CACNA2D1: variants seen among roughly 807,000 people sequenced by gnomAD.
CACNA2D1 encodes calcium voltage-gated channel auxiliary subunit alpha2delta 1.
In CACNA2D1, 53 loss-of-function variants were observed where a neutral mutation model predicts 171.5. The ratio of observed to expected loss-of-function variants is 0.31; its 90% CI spans 0.25 to 0.39. The LOEUF (loss-of-function observed/expected upper bound fraction) is 0.39. CACNA2D1 is among the 10% of genes least tolerant of loss of function. The pLI is 1.00. For missense variants in CACNA2D1, 903 were observed against 1,299.8 expected, an observed-to-expected ratio of 0.69 and a Z score of 4.69; for synonymous variants, 442 against 443.1, an observed-to-expected ratio of 1.00 and a Z score of 0.03.
At chr7:82,027,906 C>T (rs1802147824) in intron 12 of CACNA2D1, 1 of 151,980 alleles carries the variant, frequency 6.6e-6, no homozygotes, top group South Asian at 2.0e-4. Context: ...AAAGGCATCT[C>T]TATAACATAA....
chr7:82,386,027 G>A (rs67708934), intron 1 of CACNA2D1, among the ~76,000 whole-genome samples: 16,075 of 152,076 alleles, frequency 0.11, 965 homozygotes, highest in East Asian at 0.16. Context: ...AGTTGTAAAC[G>A]CATTAGAAAT....
chr7:82,057,723 A>AATGGGCGCAGAAACCACCG (rs1562976503), intron 10 of CACNA2D1, among the ~76,000 whole-genome samples: 2 of 152,078 alleles, frequency 1.3e-5, no homozygotes, highest in Non-Finnish European at 2.9e-5. Context: ...AGAAACCACC[A>AATGGGCGCAGAAACCACCG]TTTGAATGGG....
intron 9 of CACNA2D1, among the ~76,000 whole-genome samples, chr7:82,061,409 C>G (rs139519476): frequency 1.4e-3 from 217 of 152,216 alleles, no homozygotes; most frequent in African/African-American, 5.1e-3. Flanking sequence ...ACAGTAATAG[C>G]CAGTCAACCC....
At chr7:82,306,511 TG>T (rs1248703568) in intron 3 of CACNA2D1, among the ~76,000 whole-genome samples, 1 of 152,218 alleles carries the variant, frequency 6.6e-6, no homozygotes, top group African/African-American at 2.4e-5. Flanking sequence ...CAATTGCACA[TG>T]GACTATCCAT....
At chr7:82,427,733 ATAAT>A (rs1470833744) in intron 1 of CACNA2D1, among the ~76,000 whole-genome samples, 1 of 152,228 alleles carries the variant, frequency 6.6e-6, no homozygotes, top group Non-Finnish European at 1.5e-5. Flanking sequence ...GTTCCATGAA[ATAAT>A]TAAACTCTGA....
At chr7:82,074,987 T>G (rs1440147076) in intron 7 of CACNA2D1, among the ~76,000 whole-genome samples, 1 of 152,074 alleles carries the variant, frequency 6.6e-6, no homozygotes, top group Non-Finnish European at 1.5e-5. Context: ...ACATTAGGTA[T>G]TTTTCCTCAT....
intron 3 of CACNA2D1, among the ~76,000 whole-genome samples, chr7:82,243,783 C>A (rs914660688): frequency 1.3e-5 from 2 of 152,116 alleles, no homozygotes; most frequent in Admixed American, 6.6e-5. Context: ...ATCCCAAATT[C>A]TTCTTCTTTA....
chr7:82,165,744 C>T (rs1382810348), intron 4 of CACNA2D1, among the ~76,000 whole-genome samples: 1 of 151,750 alleles, frequency 6.6e-6, no homozygotes, highest in Non-Finnish European at 1.5e-5. Context: ...CTTAAAAAGC[C>T]GTAACAAAAA....
At chr7:82,093,070 T>C (rs936863739) in intron 6 of CACNA2D1, among the ~76,000 whole-genome samples, 4 of 152,142 alleles carry the variant, frequency 2.6e-5, no homozygotes, top group Non-Finnish European at 5.9e-5. Flanking sequence ...AGTGGTATTT[T>C]TAAAATGAGC....
intron 1 of CACNA2D1, among the ~76,000 whole-genome samples, chr7:82,418,695 C>A (rs778254013): frequency 6.6e-6 from 1 of 152,044 alleles, no homozygotes; most frequent in African/African-American, 2.4e-5. Context: ...TCCTATAAGA[C>A]AACAAGCATT....
intron 15 of CACNA2D1, among the ~76,000 whole-genome samples, chr7:82,010,854 A>C (rs1234676370): frequency 6.6e-6 from 1 of 152,146 alleles, no homozygotes; most frequent in African/African-American, 2.4e-5. Context: ...AAGTAGTAAG[A>C]ACATATCACT....
intron 12 of CACNA2D1, chr7:82,020,677 T>A (rs1490111170): frequency 1.3e-5 from 2 of 152,066 alleles, no homozygotes; most frequent in Non-Finnish European, 2.9e-5. Context: ...AACACCTTCC[T>A]AGATGAGCAA....
At chr7:81,999,523 T>C (rs928513040) in intron 18 of CACNA2D1, among the ~76,000 whole-genome samples, 1 of 152,230 alleles carries the variant, frequency 6.6e-6, no homozygotes, top group African/African-American at 2.4e-5. Flanking sequence ...TAGATAGTAT[T>C]ACAAATGCTA....
intron 21 of CACNA2D1, 106 bp downstream of exon 21, chr7:81,991,079 G>A (rs1797495733): frequency 7.4e-6 from 5 of 678,316 alleles, no homozygotes; most frequent in South Asian, 6.8e-5. Flanking sequence ...ATGTTTTCAT[G>A]TTGGGAACTT....
At chr7:82,369,015 T>C (rs184642993) in intron 1 of CACNA2D1, among the ~76,000 whole-genome samples, 151 of 152,300 alleles carry the variant, frequency 9.9e-4, no homozygotes, top group African/African-American at 3.5e-3. Flanking sequence ...CTTCACTTCC[T>C]ATTTTTTTCT....
At chr7:82,182,528 A>G (rs1797231540) in intron 3 of CACNA2D1, among the ~76,000 whole-genome samples, 1 of 151,978 alleles carries the variant, frequency 6.6e-6, no homozygotes, top group Non-Finnish European at 1.5e-5. Context: ...GGTAAGAAGT[A>G]CCTTTGAAAA....
intron 1 of CACNA2D1, among the ~76,000 whole-genome samples, chr7:82,385,661 T>TTTTGC (rs1824273996): frequency 6.6e-6 from 1 of 152,036 alleles, no homozygotes; most frequent in South Asian, 2.1e-4. Context: ...TTTTGTTTTG[T>TTTTGC]TTTGTTTTGT....
intron 3 of CACNA2D1, among the ~76,000 whole-genome samples, chr7:82,179,610 G>A (rs1404615243): frequency 6.6e-6 from 1 of 152,014 alleles, no homozygotes; most frequent in Non-Finnish European, 1.5e-5. Context: ...CCATGTGACC[G>A]CTCCTTTACA....
chr7:82,334,901 A>G (rs1239310285), intron 3 of CACNA2D1, among the ~76,000 whole-genome samples: 2 of 152,062 alleles, frequency 1.3e-5, no homozygotes, highest in African/African-American at 2.4e-5. Context: ...ATACATATAC[A>G]TATAATCAAT....
Sources: gnomAD v4.1 joint callset for allele counts (sites outside exome capture counted in the v4.1 genomes callset) on GRCh38, gnomAD v4.1.1 for gene constraint, MANE v1.5 for transcripts, NCBI Gene and HGNC (gene_info 2026-07-23, HGNC 2026-07-21) for gene names.